Variants in EXT1 observed in about 807,000 individuals in gnomAD.
EXT1 encodes the protein exostosin-1.
EXT1 carries 20 observed loss-of-function variants against 82.5 expected under a neutral mutation model. The observed-to-expected ratio is 0.24, with a 90% CI of 0.17 to 0.35. The LOEUF (loss-of-function observed/expected upper bound fraction) is 0.35, where lower values mean the gene tolerates loss of function less well. Ranked by LOEUF, EXT1 falls within the 10% of genes least tolerant of loss-of-function variation. EXT1 has a pLI of 1.00. For missense variants in EXT1, 757 were observed against 936.5 expected (o/e 0.81, Z 2.50); for synonymous variants, 348 against 350.8 (o/e 0.99, Z 0.09).
chr8:117,852,110 G>T (rs1812465635), intron 1 of EXT1, among the ~76,000 whole-genome samples: 1 of 152,162 alleles, frequency 6.6e-6, no homozygotes, highest in African/African-American at 2.4e-5. Context: ...TTGTAGAAGA[G>T]GAAATTGAGG....
intron 9 of EXT1, 152 bp downstream of exon 9, chr8:117,807,065 A>G: frequency 1.2e-6 from 1 of 851,682 alleles, no homozygotes; most frequent in Non-Finnish European, 1.9e-6. Flanking sequence ...GGTTTCAAAA[A>G]CACACATTTG....
intron 1 of EXT1, among the ~76,000 whole-genome samples, chr8:118,059,660 G>A (rs888588386): frequency 6.6e-6 from 1 of 152,176 alleles, no homozygotes; most frequent in Non-Finnish European, 1.5e-5. Context: ...GTTCTGACCT[G>A]CCCAACCCTA....
At chr8:117,811,618 AT>A (rs111956885) in intron 8 of EXT1, among the ~76,000 whole-genome samples, 2,114 of 142,920 alleles carry the variant, frequency 0.015, 30 homozygotes, top group African/African-American at 0.037. Flanking sequence ...CATCTATGGA[AT>A]TTTTTTTTTT....
intron 1 of EXT1, among the ~76,000 whole-genome samples, chr8:117,995,133 C>A (rs931632466): frequency 6.6e-6 from 1 of 152,104 alleles, no homozygotes; most frequent in South Asian, 2.1e-4. Context: ...TTTTTAAGAT[C>A]TTAAAAATAG....
rs60869745 is a variant in EXT1 at position 117,915,855 on chromosome 8, CAAACAAAACA to C, written c.963-78664_963-78655del. Reference sequence around the variant, plus strand: ...TGGGTGACAGAGCGAGACTCTGTCTCAAACAAAACAAAACAAAACAAAACAAAACAAAACA... The same window carrying C: ...TGGGTGACAGAGCGAGACTCTGTCTCAAACAAAACAAAACAAAACAAAACA... On this transcript the variant is annotated intron_variant, in intron 1 of 10. Transcript: ENST00000378204. Among the ~76,000 whole-genome samples, 755 of 148,834 alleles carry C rather than the reference CAAACAAAACA, an allele frequency of 5.1e-3. 6 individuals carry two copies. Among genetic ancestry groups the C allele is most frequent in the African/African-American group, 0.015 (620 of 40,476 alleles).
chr8:118,043,291 G>A (rs554007321), intron 1 of EXT1, among the ~76,000 whole-genome samples: 2 of 152,314 alleles, frequency 1.3e-5, no homozygotes, highest in Admixed American at 1.3e-4. Flanking sequence ...CTGCCTTGGC[G>A]ATTCAGTGCC....
chr8:117,850,212 A>G (rs1354981048), intron 1 of EXT1, among the ~76,000 whole-genome samples: 1 of 152,212 alleles, frequency 6.6e-6, no homozygotes, highest in Non-Finnish European at 1.5e-5. Flanking sequence ...TAAACTGTCA[A>G]GTAAAACTTG....
intron 1 of EXT1, among the ~76,000 whole-genome samples, chr8:117,889,862 A>G (rs534997351): frequency 2.9e-4 from 44 of 152,364 alleles, no homozygotes; most frequent in African/African-American, 1.1e-3. Context: ...ACTTTACAGC[A>G]TAGAATAACC....
At chr8:117,886,213 A>G (rs1194379526) in intron 1 of EXT1, among the ~76,000 whole-genome samples, 1 of 152,220 alleles carries the variant, frequency 6.6e-6, no homozygotes, top group Admixed American at 6.5e-5. Context: ...TTCAGAATAA[A>G]GTTTTTGTTT....
At chr8:118,078,038 C>T (rs191053748) in intron 1 of EXT1, among the ~76,000 whole-genome samples, 139 of 152,268 alleles carry the variant, frequency 9.1e-4, no homozygotes, top group African/African-American at 3.2e-3. Context: ...TCCCTAGACA[C>T]TATGATTTAG....
intron 1 of EXT1, among the ~76,000 whole-genome samples, chr8:117,897,423 T>G (rs1266351297): frequency 6.6e-6 from 1 of 152,130 alleles, no homozygotes; most frequent in East Asian, 1.9e-4. Flanking sequence ...TGTGCTGGAA[T>G]CTGTGCTAGG....
chr8:117,980,297 C>A (rs1815162421), intron 1 of EXT1, among the ~76,000 whole-genome samples: 1 of 152,072 alleles, frequency 6.6e-6, no homozygotes, highest in East Asian at 1.9e-4. Flanking sequence ...CCCTTTTGCA[C>A]CCCTCAGGAT....
chr8:117,970,439 A>T (rs2129739843), intron 1 of EXT1, among the ~76,000 whole-genome samples: 1 of 151,882 alleles, frequency 6.6e-6, no homozygotes, highest in East Asian at 1.9e-4. Flanking sequence ...ATTAGTTGGG[A>T]TTACAGGTGT....
chr8:117,913,416 G>A (rs1813690173), intron 1 of EXT1, among the ~76,000 whole-genome samples: 1 of 152,144 alleles, frequency 6.6e-6, no homozygotes, highest in African/African-American at 2.4e-5. Flanking sequence ...CTGTTTTTCA[G>A]ACACTTCAAC....
intron 1 of EXT1, among the ~76,000 whole-genome samples, chr8:117,985,944 T>C (rs1342322236): frequency 6.6e-6 from 1 of 152,222 alleles, no homozygotes; most frequent in African/African-American, 2.4e-5. Context: ...ACTTCAATAA[T>C]ATAATTTGAT....
At chr8:117,955,461 G>A (rs1276331238) in intron 1 of EXT1, among the ~76,000 whole-genome samples, 1 of 152,190 alleles carries the variant, frequency 6.6e-6, no homozygotes. Context: ...TTATCACCCA[G>A]GAAATTCCAA....
At chr8:117,968,665 G>A (rs2129735575) in intron 1 of EXT1, among the ~76,000 whole-genome samples, 1 of 96,848 alleles carries the variant, frequency 1.0e-5, no homozygotes, top group East Asian at 2.5e-4. Flanking sequence ...CACCTCCCGG[G>A]TTCACGCCAT....
At chr8:118,085,657 T>C (rs1259701331) in intron 1 of EXT1, among the ~76,000 whole-genome samples, 17 of 151,754 alleles carry the variant, frequency 1.1e-4, no homozygotes, top group Admixed American at 1.1e-3. Flanking sequence ...ATTACACAAC[T>C]GGGAACAAGA....
At chr8:118,062,292 TTTCAATCTCCGG>T (rs996024879) in intron 1 of EXT1, among the ~76,000 whole-genome samples, 5 of 152,136 alleles carry the variant, frequency 3.3e-5, no homozygotes, top group Non-Finnish European at 7.4e-5. Context: ...GCCAAGTAAG[TTTCAATCTCCGG>T]TTAGCCTAGA....
Sources: allele counts gnomAD v4.1 joint callset (sites outside exome capture counted in the v4.1 genomes callset), GRCh38; gene constraint gnomAD v4.1.1; transcripts MANE v1.5; gene names NCBI Gene and HGNC (gene_info 2026-07-23, HGNC 2026-07-21).